PTPRD: variants seen among roughly 807,000 people sequenced by gnomAD.
PTPRD encodes receptor-type tyrosine-protein phosphatase delta.
PTPRD carries 34 observed loss-of-function variants against 214.5 expected under a neutral mutation model. The observed-to-expected ratio is 0.16, with a 90% CI of 0.12 to 0.21. The LOEUF is 0.21. Ranked by LOEUF, PTPRD falls within the 10% of genes least tolerant of loss-of-function variation. The probability of loss-of-function intolerance (pLI) is 1.00; values close to 1 mark genes in which losing one functional copy is unlikely to be tolerated. For synonymous variants in PTPRD, 1,128 were observed against 845.7 expected (o/e 1.33, Z -5.79); for missense variants, 2,545 against 2,398.7 (o/e 1.06, Z -1.27).
chr9:10,105,279 T>C (rs72694862), intron 3 of PTPRD, among the ~76,000 whole-genome samples: 7,988 of 151,922 alleles, frequency 0.053, 271 homozygotes, highest in Admixed American at 0.1. Flanking sequence ...TAATTCATCT[T>C]GAAGTATAAG....
At chr9:9,702,019 C>G (rs2097514641) in intron 7 of PTPRD, among the ~76,000 whole-genome samples, 1 of 151,936 alleles carries the variant, frequency 6.6e-6, no homozygotes, top group Admixed American at 6.6e-5. Flanking sequence ...CTAGGGGTAG[C>G]TGAGGCAGGG....
chr9:10,170,170 T>C (rs543843066), intron 3 of PTPRD, among the ~76,000 whole-genome samples: 3 of 152,260 alleles, frequency 2.0e-5, no homozygotes, highest in Non-Finnish European at 2.9e-5. Flanking sequence ...ACAAAACTTC[T>C]GGAAGCAGTA....
At chr9:8,550,774 T>G (rs528744924) in intron 14 of PTPRD, among the ~76,000 whole-genome samples, 40 of 152,358 alleles carry the variant, frequency 2.6e-4, no homozygotes, top group African/African-American at 9.4e-4. Flanking sequence ...GCTTTAACTA[T>G]GAGAACTCCT....
chr9:9,397,131 T>A (rs2068180763), intron 9 of PTPRD, among the ~76,000 whole-genome samples: 1 of 152,026 alleles, frequency 6.6e-6, no homozygotes, highest in African/African-American at 2.4e-5. Flanking sequence ...CTAAAAACTA[T>A]AAAGTATTTC....
chr9:9,848,186 C>G (rs995019222), intron 5 of PTPRD, among the ~76,000 whole-genome samples: 1 of 152,012 alleles, frequency 6.6e-6, no homozygotes, highest in African/African-American at 2.4e-5. Flanking sequence ...ATGAATTAAC[C>G]CATAGATTTT....
chr9:9,844,434 G>T (rs1273038579), intron 5 of PTPRD, among the ~76,000 whole-genome samples: 1 of 151,822 alleles, frequency 6.6e-6, no homozygotes, highest in Non-Finnish European at 1.5e-5. Flanking sequence ...TGGCTGCCCG[G>T]GCTGAGGTGT....
chr9:9,878,562 T>C (rs976343638), intron 5 of PTPRD, among the ~76,000 whole-genome samples: 4 of 152,130 alleles, frequency 2.6e-5, no homozygotes, highest in Admixed American at 1.3e-4. Flanking sequence ...AGTTAGAAAA[T>C]AGAGAAAATG....
At chr9:10,466,623 C>CAAAAAAAAAAAAA (rs66705572) in intron 2 of PTPRD, among the ~76,000 whole-genome samples, 2 of 76,874 alleles carry the variant, frequency 2.6e-5, no homozygotes, top group Non-Finnish European at 4.6e-5. Context: ...AACTCCAACT[C>CAAAAAAAAAAAAA]AAAAAAAAAA....
chr9:10,126,436 C>T (rs199849949), intron 3 of PTPRD, among the ~76,000 whole-genome samples: 17,432 of 136,496 alleles, frequency 0.13, 1,100 homozygotes, highest in South Asian at 0.28. Flanking sequence ...TACACACACA[C>T]ACACACACAC....
chr9:9,695,768 G>C (rs979039381), intron 7 of PTPRD, among the ~76,000 whole-genome samples: 1 of 152,074 alleles, frequency 6.6e-6, no homozygotes, highest in African/African-American at 2.4e-5. Context: ...CATGGTGATA[G>C]ATCATTTTAA....
chr9:8,594,915 T>A, intron 14 of PTPRD, among the ~76,000 whole-genome samples: 1 of 143,638 alleles, frequency 7.0e-6, no homozygotes, highest in African/African-American at 2.6e-5. Flanking sequence ...CAGGCTGGAG[T>A]GCAGTGGCGC....
chr9:10,001,336 T>C (rs1357333504), intron 4 of PTPRD, among the ~76,000 whole-genome samples: 1 of 151,844 alleles, frequency 6.6e-6, no homozygotes, highest in Non-Finnish European at 1.5e-5. Context: ...GAAAAAGGGG[T>C]CCAAAAGAAT....
chr9:10,339,745 G>C (rs1597473043), intron 3 of PTPRD, among the ~76,000 whole-genome samples: 1 of 151,558 alleles, frequency 6.6e-6, no homozygotes, highest in Admixed American at 6.6e-5. Flanking sequence ...GGAAACCTTG[G>C]TCTCATTATT....
chr9:8,566,105 TG>T (rs1292811407), intron 14 of PTPRD, among the ~76,000 whole-genome samples: 1 of 101,722 alleles, frequency 9.8e-6, no homozygotes, highest in Admixed American at 9.9e-5. Context: ...AAAATATGTG[TG>T]TGTGTGTGTG....
At chr9:9,823,309 G>C (rs2051450346) in intron 5 of PTPRD, among the ~76,000 whole-genome samples, 1 of 151,894 alleles carries the variant, frequency 6.6e-6, no homozygotes, top group Non-Finnish European at 1.5e-5. Flanking sequence ...ACATCACATG[G>C]TGAAAATAGG....
chr9:10,432,769 C>T (rs2098691642), intron 2 of PTPRD, among the ~76,000 whole-genome samples: 1 of 151,956 alleles, frequency 6.6e-6, no homozygotes, highest in African/African-American at 2.4e-5. Flanking sequence ...TTCTATGCTC[C>T]AGGGTCTCCC....
At position 10,379,511 on chromosome 9, in the gene PTPRD, C is replaced by G. The variant is rs193274500; in HGVS notation, c.-599-38494G>C. Among the ~76,000 whole-genome samples, 184 of 151,972 alleles carry G rather than the reference C, an allele frequency of 1.2e-3. 1 individual carries two copies. Among genetic ancestry groups the G allele is most frequent in the African/African-American group, 4.3e-3 (179 of 41,514 alleles). On this transcript the variant is annotated intron_variant, in intron 2 of 45. Transcript: ENST00000381196. Reference sequence around the variant, plus strand: ...TCATTTAGGTCAGAATTTATTTTTACTTATTCCATATGAATTTTTCAACAT... The same window carrying G: ...TCATTTAGGTCAGAATTTATTTTTAGTTATTCCATATGAATTTTTCAACAT...
At chr9:9,159,318 A>C (rs1300764026) in intron 10 of PTPRD, among the ~76,000 whole-genome samples, 1 of 152,192 alleles carries the variant, frequency 6.6e-6, no homozygotes, top group Non-Finnish European at 1.5e-5. Context: ...CTATCTGCTG[A>C]AGACTCCACC....
chr9:9,290,359 C>A (rs1950762296), intron 9 of PTPRD, among the ~76,000 whole-genome samples: 1 of 151,592 alleles, frequency 6.6e-6, no homozygotes, highest in South Asian at 2.1e-4. Context: ...GATATTAACG[C>A]CTTGTCATAT....
Sources: gnomAD v4.1 joint callset for allele counts (sites outside exome capture counted in the v4.1 genomes callset) on GRCh38, gnomAD v4.1.1 for gene constraint, MANE v1.5 for transcripts, NCBI Gene and HGNC (gene_info 2026-07-23, HGNC 2026-07-21) for gene names.